GRID2: variants seen among roughly 807,000 people sequenced by gnomAD.
GRID2 encodes the protein glutamate ionotropic receptor delta type subunit 2.
A neutral mutation model predicts 114.8 loss-of-function variants in GRID2; 33 were observed. The ratio of observed to expected loss-of-function variants is 0.29; its 90% CI spans 0.22 to 0.38. The LOEUF (loss-of-function observed/expected upper bound fraction) is 0.38, where lower values mean the gene tolerates loss of function less well. Ranked by LOEUF, GRID2 falls within the 10% of genes least tolerant of loss-of-function variation. The pLI is 1.00. For missense variants in GRID2, 1,184 were observed against 1,257.7 expected (o/e 0.94, Z 0.89); for synonymous variants, 505 against 449.9 (o/e 1.12, Z -1.55).
intron 4 of GRID2, among the ~76,000 whole-genome samples, chr4:93,178,359 T>C (rs1361408704): frequency 1.3e-5 from 2 of 150,888 alleles, no homozygotes; most frequent in African/African-American, 4.9e-5. Flanking sequence ...TTAGTGCTTA[T>C]ATTGTTTTCC....
chr4:92,732,768 A>T (rs1736390276), intron 2 of GRID2, among the ~76,000 whole-genome samples: 1 of 152,126 alleles, frequency 6.6e-6, no homozygotes, highest in Non-Finnish European at 1.5e-5. Flanking sequence ...ACAGGAGAAC[A>T]TACAGCTTTT....
chr4:92,657,497 T>C (rs955995975), intron 2 of GRID2, among the ~76,000 whole-genome samples: 1 of 151,770 alleles, frequency 6.6e-6, no homozygotes, highest in South Asian at 2.1e-4. Flanking sequence ...TTTACAAATA[T>C]GTATTTTTGG....
intron 4 of GRID2, among the ~76,000 whole-genome samples, chr4:93,150,780 A>G (rs1736660349): frequency 6.6e-6 from 1 of 152,016 alleles, no homozygotes; most frequent in African/African-American, 2.4e-5. Context: ...GAAGCTTTGC[A>G]TCCTGGTCTA....
intron 8 of GRID2, among the ~76,000 whole-genome samples, chr4:93,289,770 C>T (rs1753543208): frequency 6.6e-6 from 1 of 152,036 alleles, no homozygotes; most frequent in African/African-American, 2.4e-5. Flanking sequence ...TTGGTATGTC[C>T]GCTTCTTGTT....
At chr4:92,384,922 A>T (rs1579277292) in intron 1 of GRID2, among the ~76,000 whole-genome samples, 1 of 151,048 alleles carries the variant, frequency 6.6e-6, no homozygotes, top group African/African-American at 2.4e-5. Flanking sequence ...ATGTTTATGG[A>T]GCTGAATCAG....
chr4:92,607,153 C>T (rs1482148748), intron 2 of GRID2, among the ~76,000 whole-genome samples: 1 of 151,894 alleles, frequency 6.6e-6, no homozygotes, highest in East Asian at 1.9e-4. Context: ...TTACCTTGAG[C>T]AGCAGGATAT....
At chr4:92,390,222 G>A (rs183226052) in intron 1 of GRID2, among the ~76,000 whole-genome samples, 1 of 152,206 alleles carries the variant, frequency 6.6e-6, no homozygotes, top group Admixed American at 6.5e-5. Flanking sequence ...TTACCTTCAT[G>A]TACTCACTTC....
intron 8 of GRID2, among the ~76,000 whole-genome samples, chr4:93,317,338 T>C (rs1454848394): frequency 1.3e-5 from 2 of 151,996 alleles, no homozygotes; most frequent in East Asian, 1.9e-4. Context: ...TTTTTTTTCC[T>C]TGAAATGCTT....
At chr4:92,392,884 A>C (rs1394250568) in intron 1 of GRID2, among the ~76,000 whole-genome samples, 1 of 152,194 alleles carries the variant, frequency 6.6e-6, no homozygotes, top group Non-Finnish European at 1.5e-5. Context: ...ACATAGTGCC[A>C]AACACATTCA....
intron 2 of GRID2, among the ~76,000 whole-genome samples, chr4:92,710,230 C>T (rs1308796817): frequency 2.0e-5 from 3 of 151,888 alleles, no homozygotes; most frequent in Non-Finnish European, 2.9e-5. Context: ...ATGGACAAAA[C>T]TTTTTGTGTA....
chr4:92,400,208 C>T lies in GRID2; in HGVS notation c.88+95464C>T, dbSNP rs188939851. On this transcript the variant is annotated intron_variant, in intron 1 of 15. Transcript: ENST00000282020. ...CTACCACAGCTATTTAATGGTAAAA[C>T]GTTTGTATCACTCCAAAAAAGAAAA... Among the ~76,000 whole-genome samples the T allele has an allele frequency of 3.3e-3, 507 of 152,162 alleles. 2 individuals are homozygous for T. Among genetic ancestry groups the T allele is most frequent in the Non-Finnish European group, 5.4e-3 (368 of 67,988 alleles).
chr4:93,549,030 C>A (rs1428407531), intron 13 of GRID2, among the ~76,000 whole-genome samples: 1 of 151,984 alleles, frequency 6.6e-6, no homozygotes, highest in Non-Finnish European at 1.5e-5. Flanking sequence ...CCTTGAAATT[C>A]ATTTGAACTT....
chr4:92,797,631 T>C lies in GRID2; in HGVS notation c.244+207345T>C, dbSNP rs1227609471. Among the ~76,000 whole-genome samples, 4 of 151,996 alleles carry C rather than the reference T, an allele frequency of 2.6e-5. No individual in the cohort carries two copies. The East Asian group carries it at 5.8e-4, about 22-fold the overall frequency. On this transcript the variant is annotated intron_variant, in intron 2 of 15. Transcript: ENST00000282020. ...TATATTTTTGTATATTTTATGATAGTGAATGATGAAAAAAAGTATCTTTAT... is the reference window on the plus strand; with the variant it reads ...TATATTTTTGTATATTTTATGATAGCGAATGATGAAAAAAAGTATCTTTAT...
intron 2 of GRID2, among the ~76,000 whole-genome samples, chr4:92,718,617 G>A (rs1222272587): frequency 6.6e-6 from 1 of 151,604 alleles, no homozygotes; most frequent in African/African-American, 2.4e-5. Context: ...TTTTTAAACA[G>A]CTAGACATGA....
intron 1 of GRID2, among the ~76,000 whole-genome samples, chr4:92,412,724 C>T (rs1731399103): frequency 2.0e-5 from 3 of 151,996 alleles, no homozygotes; most frequent in Admixed American, 2.0e-4. Context: ...ATCCACATAC[C>T]CTGTTGCACT....
intron 11 of GRID2, among the ~76,000 whole-genome samples, chr4:93,489,413 T>C (rs1726748883): frequency 6.6e-6 from 1 of 151,940 alleles, no homozygotes; most frequent in Non-Finnish European, 1.5e-5. Context: ...AAGATCAGTA[T>C]ACATAGAGTC....
chr4:93,809,163 G>A (rs1365524509), exon 2 of GRID2: 1 of 152,008 alleles, frequency 6.6e-6, no homozygotes, highest in Admixed American at 6.6e-5. Context: ...CACACAATGA[G>A]GAATGCCAGC....
chr4:93,525,440 G>A (rs1245446491), intron 13 of GRID2, among the ~76,000 whole-genome samples: 3 of 152,098 alleles, frequency 2.0e-5, no homozygotes, highest in Non-Finnish European at 4.4e-5. Context: ...CACCTACTGG[G>A]CCATGTATCA....
chr4:92,626,805 T>A (rs1385699263), intron 2 of GRID2, among the ~76,000 whole-genome samples: 1 of 151,918 alleles, frequency 6.6e-6, no homozygotes, highest in Non-Finnish European at 1.5e-5. Context: ...CAAGGGACCA[T>A]GGGTGAGAGA....
Sources: allele counts gnomAD v4.1 joint callset (sites outside exome capture counted in the v4.1 genomes callset), GRCh38; gene constraint gnomAD v4.1.1; transcripts MANE v1.5; gene names NCBI Gene and HGNC (gene_info 2026-07-23, HGNC 2026-07-21).